ENTPD1: variants seen among roughly 807,000 people sequenced by gnomAD.
ENTPD1 encodes ectonucleoside triphosphate diphosphohydrolase 1.
ENTPD1 carries 33 observed loss-of-function variants against 57.0 expected under a neutral mutation model. That is an observed-to-expected ratio of 0.58 (90% CI 0.44 to 0.77). The LOEUF is 0.77. Ranked by LOEUF, ENTPD1 falls within the 30% of genes least tolerant of loss-of-function variation. The pLI, the probability that ENTPD1 is intolerant of heterozygous loss-of-function variation, is 0.00. For synonymous variants in ENTPD1, 202 were observed against 218.8 expected (o/e 0.92, Z 0.68); for missense variants, 501 against 603.4 (o/e 0.83, Z 1.78).
At chr10:95,832,343 T>C (rs1460329011) in intron 2 of ENTPD1, among the ~76,000 whole-genome samples, 1 of 152,120 alleles carries the variant, frequency 6.6e-6, no homozygotes, top group Non-Finnish European at 1.5e-5. Flanking sequence ...GGTGTTCTCA[T>C]GCCACTGAAG....
intron 1 of ENTPD1, among the ~76,000 whole-genome samples, chr10:95,794,350 C>G (rs2140288723): frequency 6.6e-6 from 1 of 152,302 alleles, no homozygotes; most frequent in East Asian, 1.9e-4. Flanking sequence ...TATCGAGTGC[C>G]TACTCTGTGC....
At chr10:95,817,562 G>A (rs1343117357) in intron 1 of ENTPD1, among the ~76,000 whole-genome samples, 1 of 152,198 alleles carries the variant, frequency 6.6e-6, no homozygotes. Flanking sequence ...AAGGCCTTAT[G>A]AGCAGGGGAC....
At chr10:95,847,211 C>T (rs2098437468) in intron 6 of ENTPD1, among the ~76,000 whole-genome samples, 1 of 152,098 alleles carries the variant, frequency 6.6e-6, no homozygotes. Context: ...GTTTTAACTA[C>T]ATCAGCATTC....
chr10:95,786,637 ACCAAATC>A (rs2098181079), intron 1 of ENTPD1, among the ~76,000 whole-genome samples: 2 of 152,200 alleles, frequency 1.3e-5, no homozygotes, highest in Non-Finnish European at 2.9e-5. Flanking sequence ...CAGAGAAAGC[ACCAAATC>A]TAGTGAGAAA....
chr10:95,741,383 C>T (rs1305843310), intron 1 of ENTPD1, among the ~76,000 whole-genome samples: 1 of 152,054 alleles, frequency 6.6e-6, no homozygotes, highest in Admixed American at 6.6e-5. Flanking sequence ...TCATGGTGCC[C>T]CAAAACAGTT....
At chr10:95,845,752 C>G in intron 6 of ENTPD1, 156 bp downstream of exon 6, 1 of 1,274,186 alleles carries the variant, frequency 7.8e-7, no homozygotes, top group Non-Finnish European at 1.1e-6. Context: ...ATCTGGTTGA[C>G]CCCTATAAAT....
At chr10:95,743,559 T>G (rs922514799) in intron 1 of ENTPD1, among the ~76,000 whole-genome samples, 4 of 152,226 alleles carry the variant, frequency 2.6e-5, no homozygotes, top group African/African-American at 9.6e-5. Context: ...TCTCTCCCAT[T>G]TGTTTATTTA....
Position 95,770,252 on chromosome 10 carries a change from A to T in ENTPD1, c.16+13997A>T, listed in dbSNP as rs936171589. 1.1e-4 allele frequency among the ~76,000 whole-genome samples: 13 copies of T among 115,366 alleles called. No homozygotes were observed. In the East Asian group the frequency reaches 3.0e-3, roughly 27 times the overall value. 75.7% of individuals were successfully genotyped at this position (115,366 alleles called of 152,430 possible). On this transcript the variant is annotated intron_variant, in intron 1 of 9. Transcript: ENST00000371205. Reference sequence around the variant, plus strand: ...TTGAGAGAGAGAGAGAGAGTGAGTGAGTGAGTGTGTGTGTGTGTGTGTGTG... The same window carrying T: ...TTGAGAGAGAGAGAGAGAGTGAGTGTGTGAGTGTGTGTGTGTGTGTGTGTG...
At chr10:95,760,911 G>C (rs544964193) in intron 1 of ENTPD1, among the ~76,000 whole-genome samples, 1 of 130,598 alleles carries the variant, frequency 7.7e-6, no homozygotes, top group Admixed American at 9.2e-5. Flanking sequence ...CTCACTGCAA[G>C]CTCCGCCTCC....
intron 1 of ENTPD1, among the ~76,000 whole-genome samples, chr10:95,715,747 A>G (rs1488145708): frequency 6.6e-6 from 1 of 152,186 alleles, no homozygotes; most frequent in Non-Finnish European, 1.5e-5. Flanking sequence ...GTATATTTAT[A>G]GAGTCATTAT....
intron 1 of ENTPD1, among the ~76,000 whole-genome samples, chr10:95,770,498 AT>A (rs2098112388): frequency 6.6e-6 from 1 of 152,182 alleles, no homozygotes; most frequent in Admixed American, 6.5e-5. Context: ...GGATGGAAAT[AT>A]TTACAGAGAG....
At chr10:95,744,016 A>G (rs1482050834) in intron 1 of ENTPD1, among the ~76,000 whole-genome samples, 2 of 142,562 alleles carry the variant, frequency 1.4e-5, no homozygotes, top group Admixed American at 1.4e-4. Context: ...ATATATATAT[A>G]TATATATATA....
intron 1 of ENTPD1, among the ~76,000 whole-genome samples, chr10:95,818,174 C>T (rs2098336492): frequency 1.3e-5 from 2 of 152,326 alleles, no homozygotes; most frequent in African/African-American, 4.8e-5. Context: ...GCGTCCCACA[C>T]TGAGAAAAGT....
chr10:95,860,214 AT>A (rs1189937667), intron 7 of ENTPD1, among the ~76,000 whole-genome samples: 1 of 151,840 alleles, frequency 6.6e-6, no homozygotes, highest in Non-Finnish European at 1.5e-5. Context: ...CTCTTTCCCC[AT>A]TTTTCTTTCT....
chr10:95,784,431 A>G (rs542401405), intron 1 of ENTPD1, among the ~76,000 whole-genome samples: 2 of 152,278 alleles, frequency 1.3e-5, no homozygotes, highest in South Asian at 2.1e-4. Flanking sequence ...GCTCAGAGAC[A>G]TGGGGACTCC....
chr10:95,835,792 C>T (rs1175783845), intron 2 of ENTPD1, among the ~76,000 whole-genome samples: 3 of 111,500 alleles, frequency 2.7e-5, no homozygotes, highest in African/African-American at 1.0e-4. Flanking sequence ...TACTCTGTCA[C>T]TGGTTTTTTT....
In ENTPD1 at chr10:95,874,292, T is replaced by C. The variant is rs1205409900; in HGVS notation, c.*7909T>C. ...ATACAGCTGTTCCAAATGAGAGAAA[T>C]TGGCCAAAACAAAGGGGTTACAGGG... On this transcript the variant is annotated 3_prime_UTR_variant, in exon 10 of 10. Transcript: ENST00000371205. Among the ~76,000 whole-genome samples, 2 of 152,082 alleles carry C rather than the reference T, an allele frequency of 1.3e-5. No homozygotes were observed. The highest frequency in any genetic ancestry group is 1.9e-4 in the East Asian group (1 of 5,192).
At chr10:95,836,608 T>G (rs993480814) in intron 2 of ENTPD1, among the ~76,000 whole-genome samples, 14 of 152,312 alleles carry the variant, frequency 9.2e-5, no homozygotes, top group Admixed American at 2.0e-4. Flanking sequence ...TTGGAAATAT[T>G]TAAATATAAG....
intron 2 of ENTPD1, among the ~76,000 whole-genome samples, chr10:95,831,302 T>C (rs1479827226): frequency 6.6e-6 from 1 of 152,228 alleles, no homozygotes; most frequent in East Asian, 1.9e-4. Context: ...GGGATCATTA[T>C]TCTGCCTGCC....
Sources: allele counts gnomAD v4.1 joint callset (sites outside exome capture counted in the v4.1 genomes callset), GRCh38; gene constraint gnomAD v4.1.1; transcripts MANE v1.5; gene names NCBI Gene and HGNC (gene_info 2026-07-23, HGNC 2026-07-21).